The following RNF122 variants were observed in gnomAD, a reference collection of about 807,000 sequenced individuals.
RNF122 encodes the protein ring finger protein 122.
In RNF122, 17 loss-of-function variants were observed where a neutral mutation model predicts 24.2. The ratio of observed to expected loss-of-function variants is 0.70; its 90% CI spans 0.48 to 1.06. RNF122 has a LOEUF of 1.06. Ranked by LOEUF, RNF122 falls within the 50% of genes least tolerant of loss-of-function variation. RNF122 has a pLI of 0.00. For missense variants in RNF122, 168 were observed against 198.1 expected, an observed-to-expected ratio of 0.85 and a Z score of 0.91; for synonymous variants, 65 against 71.8, an observed-to-expected ratio of 0.91 and a Z score of 0.48.
rs1810323911 is a variant in RNF122, at chr8:33,548,649, A to G, written c.*104T>C. The G allele has an allele frequency of 1.5e-5, 11 of 751,446 alleles. No homozygotes were observed. The highest frequency in any genetic ancestry group is 1.4e-4 in the South Asian group (9 of 64,986). The allele number at this position is 751,446 out of a possible 1,614,324, so 46.5% of individuals were successfully genotyped here. On this transcript the variant is annotated 3_prime_UTR_variant, in exon 6 of 6. Transcript: ENST00000256257. ...AGACCACCCTTCTCATCACTGGGAA[A>G]GTGATCGTCATCACCCTACAGTCCT...
chr8:33,551,779 G>T (rs1810379704), intron 2 of RNF122, among the ~76,000 whole-genome samples: 1 of 152,176 alleles, frequency 6.6e-6, no homozygotes, highest in Admixed American at 6.6e-5. Flanking sequence ...GGTTATTTCT[G>T]TTAAGCCAGG....
intron 4 of RNF122, 76 bp downstream of exon 4, chr8:33,550,968 C>T (rs1040959695): frequency 2.1e-6 from 3 of 1,433,174 alleles, no homozygotes; most frequent in Admixed American, 1.7e-5. Context: ...GAAAAGCGTC[C>T]AGGCAGAGAA....
At chr8:33,558,524 C>T in intron 2 of RNF122, 91 bp downstream of exon 2, 1 of 1,121,088 alleles carries the variant, frequency 8.9e-7, no homozygotes, top group Admixed American at 2.7e-5. Context: ...ACTGGTGACT[C>T]TGCTGTGGGA....
Position 33,558,604 on chromosome 8 carries a change from G to C in RNF122, c.182+11C>G. 6.3e-7 allele frequency: 1 copy of C among 1,592,972 alleles called. No homozygotes were observed. The highest frequency in any genetic ancestry group is 2.2e-5 in the East Asian group (1 of 44,650). On this transcript the variant is annotated intron_variant, in intron 2 of 5. Coordinates refer to ENST00000256257, the MANE Select transcript of RNF122 (RefSeq NM_024787.3). ...TGGACTCCCACCCCGGTCAGCCAGG[G>C]ATCCACGCACCTGATAAAATAGCAG...
chr8:33,558,288 AG>A (rs140726694), intron 2 of RNF122, among the ~76,000 whole-genome samples: 4,458 of 152,278 alleles, frequency 0.029, 203 homozygotes, highest in African/African-American at 0.093. Flanking sequence ...GTAGGAATAG[AG>A]ACAGACAGAC....
At chr8:33,563,813 C>G (rs1457083862) in intron 1 of RNF122, among the ~76,000 whole-genome samples, 3 of 152,164 alleles carry the variant, frequency 2.0e-5, no homozygotes, top group African/African-American at 7.2e-5. Context: ...GAGCTGAAAC[C>G]TCCTTTGGTT....
intron 2 of RNF122, among the ~76,000 whole-genome samples, chr8:33,552,010 G>A (rs1297352664): frequency 1.3e-5 from 2 of 152,168 alleles, no homozygotes; most frequent in African/African-American, 4.8e-5. Context: ...TAATATAATG[G>A]TTATGAAGTA....
At chr8:33,553,001 A>T (rs992185617) in intron 2 of RNF122, among the ~76,000 whole-genome samples, 1 of 150,702 alleles carries the variant, frequency 6.6e-6, no homozygotes, top group African/African-American at 2.4e-5. Flanking sequence ...AACCCAGGAG[A>T]CGAAGGTTGC....
In RNF122 at chr8:33,548,443, G is replaced by C; in HGVS notation, c.*310C>G. The C allele has an allele frequency of 4.2e-6, 1 of 240,470 alleles. No individual in the cohort carries two copies. The highest frequency in any genetic ancestry group is 8.1e-6 in the Non-Finnish European group (1 of 123,042). 14.9% of individuals were successfully genotyped at this position (240,470 alleles called of 1,614,324 possible). On this transcript the variant is annotated 3_prime_UTR_variant, in exon 6 of 6. Transcript: ENST00000256257. ...GAAAGAGGACTTTCTCCATGTTCTT[G>C]ATCGGGGTGGACACCTTCCCCCAGA...
chr8:33,557,747 G>A (rs1663337563), intron 2 of RNF122, among the ~76,000 whole-genome samples: 1 of 151,880 alleles, frequency 6.6e-6, no homozygotes, highest in African/African-American at 2.4e-5. Context: ...CAAACTCCAG[G>A]TCTTCTCTTG....
chr8:33,563,146 A>C, intron 1 of RNF122, among the ~76,000 whole-genome samples: 1 of 150,402 alleles, frequency 6.6e-6, no homozygotes. Context: ...GAACCCTCCT[A>C]GGTTTGCTGA....
At position 33,548,562 on chromosome 8, in the gene RNF122, G is replaced by A; in HGVS notation, c.*191C>T. Reference sequence around the variant, plus strand: ...TGGAGTAGCAGGGAAGAAGGCTTCAGGAGGCAGGAAGTGGGGGCACATCTG... The same window carrying A: ...TGGAGTAGCAGGGAAGAAGGCTTCAAGAGGCAGGAAGTGGGGGCACATCTG... On this transcript the variant is annotated 3_prime_UTR_variant, in exon 6 of 6. Coordinates refer to ENST00000256257, the MANE Select transcript of RNF122 (RefSeq NM_024787.3). The A allele has an allele frequency of 9.5e-6, 5 of 524,084 alleles. No homozygotes were observed. The highest frequency in any genetic ancestry group is 1.4e-5 in the Non-Finnish European group (4 of 289,616). 32.5% of individuals were successfully genotyped at this position (524,084 alleles called of 1,614,324 possible). A position where few individuals can be genotyped will look rare whatever the true frequency, so the allele number is the denominator to read the frequency against.
chr8:33,566,012 C>A (rs1810617344), intron 1 of RNF122, among the ~76,000 whole-genome samples: 1 of 152,202 alleles, frequency 6.6e-6, no homozygotes, highest in South Asian at 2.1e-4. Flanking sequence ...CGCCACCACT[C>A]CCGGCTAATT....
At chr8:33,555,049 C>A (rs936009292) in intron 2 of RNF122, among the ~76,000 whole-genome samples, 3 of 152,144 alleles carry the variant, frequency 2.0e-5, no homozygotes, top group Admixed American at 1.3e-4. Context: ...CTGTGAAACT[C>A]CAGGGTCAGC....
At chr8:33,560,416 C>G (rs1810523133) in intron 1 of RNF122, among the ~76,000 whole-genome samples, 1 of 152,144 alleles carries the variant, frequency 6.6e-6, no homozygotes, top group African/African-American at 2.4e-5. Flanking sequence ...TCTGTCCCTG[C>G]AGGCTGGAGT....
At position 33,563,554 on chromosome 8, in the gene RNF122, C is replaced by T. The variant is rs989155846; in HGVS notation, c.25+3145G>A. On this transcript the variant is annotated intron_variant, in intron 1 of 5. Coordinates refer to ENST00000256257, the MANE Select transcript of RNF122 (RefSeq NM_024787.3). The stretch of plus-strand genomic sequence containing the variant: ...TCTAGTAGGGGTTAGAGAGAAAGTG[C>T]TTTTCACCACCAGTCCCCACCCAAA... Among the ~76,000 whole-genome samples the T allele has an allele frequency of 6.7e-4, 102 of 152,202 alleles. 2 individuals are homozygous for T. The highest frequency in any genetic ancestry group is 5.9e-5 in the Non-Finnish European group (4 of 68,042).
chr8:33,561,163 C>T (rs979569268), intron 1 of RNF122, among the ~76,000 whole-genome samples: 2 of 152,164 alleles, frequency 1.3e-5, no homozygotes, highest in African/African-American at 2.4e-5. Flanking sequence ...CACAGTCAAA[C>T]AGCTAGGAAA....
At chr8:33,560,550 T>C (rs1333128612) in intron 1 of RNF122, among the ~76,000 whole-genome samples, 1 of 150,952 alleles carries the variant, frequency 6.6e-6, no homozygotes, top group African/African-American at 2.5e-5. Context: ...GGTTCTTTTT[T>C]TCCTTTTTTT....
intron 4 of RNF122, among the ~76,000 whole-genome samples, 163 bp from the exon 5 acceptor site, chr8:33,549,655 A>G (rs1028572870): frequency 6.6e-6 from 1 of 152,224 alleles, no homozygotes; most frequent in Non-Finnish European, 1.5e-5. Flanking sequence ...GTCATTAACC[A>G]TATGTGGCTG....
Sources: gnomAD v4.1 joint callset for allele counts (sites outside exome capture counted in the v4.1 genomes callset) on GRCh38, gnomAD v4.1.1 for gene constraint, MANE v1.5 for transcripts, NCBI Gene and HGNC (gene_info 2026-07-23, HGNC 2026-07-21) for gene names.